Variants in SEPTIN10 observed in about 807,000 individuals in gnomAD.
SEPTIN10 encodes septin-10.
A neutral mutation model predicts 54.8 loss-of-function variants in SEPTIN10; 66 were observed. That is an observed-to-expected ratio of 1.21 (90% CI 0.99 to 1.48). SEPTIN10 has a LOEUF of 1.48. Among genes scored for constraint, SEPTIN10 ranks in the 40% most tolerant of loss-of-function variants. SEPTIN10 has a pLI of 0.00. For synonymous variants in SEPTIN10, 161 were observed against 181.0 expected, an observed-to-expected ratio of 0.89 and a Z score of 0.89; for missense variants, 620 against 545.6, an observed-to-expected ratio of 1.14 and a Z score of -1.36.
At chr2:109,594,708 C>G (rs987088316) in intron 1 of SEPTIN10, 9 of 152,248 alleles carry the variant, frequency 5.9e-5, no homozygotes, top group Non-Finnish European at 1.5e-5. Context: ...TCTGTGCGGG[C>G]GCGTGCACGC....
chr2:109,582,680 C>T (rs1221987172), intron 4 of SEPTIN10, among the ~76,000 whole-genome samples: 2 of 152,050 alleles, frequency 1.3e-5, no homozygotes, highest in Non-Finnish European at 2.9e-5. Flanking sequence ...AAAAACTATT[C>T]TAAAATTCAT....
At position 109,544,100 on chromosome 2, in the gene SEPTIN10, T is replaced by G. The variant is rs1680545641; in HGVS notation, c.*209A>C. On this transcript the variant is annotated 3_prime_UTR_variant, in exon 11 of 11. Transcript: ENST00000397712. Reference sequence around the variant, plus strand: ...GCTTCTGGATTTCAGATTTTTGAATTAGAGATGCTCAACTTGTAGTATCAT... The same window carrying G: ...GCTTCTGGATTTCAGATTTTTGAATGAGAGATGCTCAACTTGTAGTATCAT... 1 of 1,477,054 alleles carries G rather than the reference T, an allele frequency of 6.8e-7. No homozygotes were observed. Among genetic ancestry groups the G allele is most frequent in the Non-Finnish European group, 9.1e-7 (1 of 1,103,464 alleles). The allele number at this position is 1,477,054 out of a possible 1,614,324, so 91.5% of individuals were successfully genotyped here.
At chr2:109,574,817 G>T in intron 4 of SEPTIN10, 50 bp from the exon 5 acceptor site, 1 of 1,347,720 alleles carries the variant, frequency 7.4e-7, no homozygotes, top group Non-Finnish European at 1.0e-6. Flanking sequence ...GCTACCTTAA[G>T]ATATCTGTGC....
chr2:109,552,743 G>T, intron 9 of SEPTIN10: 3 of 200,380 alleles, frequency 1.5e-5, no homozygotes, highest in South Asian at 9.3e-5. Context: ...CTGGTTGAAT[G>T]AGGCACCTAA....
Position 109,593,084 on chromosome 2 carries a change from AC to A in SEPTIN10, c.65del (p.Cys22LeufsTer12). ...FQSHMATKTTCMSSQGSDDEQ... is the reference protein window; with the variant it reads ...FQSHMATKTTXMSSQGSDDEQ... ...CATCATCTGATCCTTGTGAAGACAT[AC>A]AAGTTGTTTTCGTTGCCATGTGAGA... is the stretch of plus-strand genomic sequence containing the variant. On this transcript the variant is annotated frameshift_variant, in exon 2 of 11. Coordinates refer to ENST00000397712, the MANE Select transcript of SEPTIN10 (RefSeq NM_144710.5). LOFTEE classifies it high-confidence loss of function. The A allele has an allele frequency of 1.4e-5, 22 of 1,601,632 alleles. No homozygotes were observed. Among genetic ancestry groups the A allele is most frequent in the Non-Finnish European group, 1.9e-5 (22 of 1,174,734 alleles).
In SEPTIN10 at chr2:109,543,983, T is replaced by C; in HGVS notation, c.*326A>G. The C allele has an allele frequency of 1.6e-6, 1 of 633,886 alleles. No individual in the cohort carries two copies. Among genetic ancestry groups the C allele is most frequent in the Middle Eastern group, 4.3e-4 (1 of 2,312 alleles). The allele number at this position is 633,886 out of a possible 1,614,324, so 39.3% of individuals were successfully genotyped here. The stretch of plus-strand genomic sequence containing the variant: ...AATTTTGTGCAAGAAACAAAATCTG[T>C]TTAAACTGAACCATCAGAAAGCAAA... On this transcript the variant is annotated 3_prime_UTR_variant, in exon 11 of 11. Transcript: ENST00000397712.
chr2:109,581,355 T>C (rs569607143), intron 4 of SEPTIN10, among the ~76,000 whole-genome samples: 29 of 151,892 alleles, frequency 1.9e-4, no homozygotes, highest in Admixed American at 3.3e-4. Flanking sequence ...GAGAATCACC[T>C]GAACCCAGGA....
In SEPTIN10 at chr2:109,613,921, C is replaced by G. The variant is rs1699881260; in HGVS notation, c.-94G>C. On this transcript the variant is annotated 5_prime_UTR_variant, in exon 1 of 11. Transcript: ENST00000397712. Reference sequence around the variant, plus strand: ...CGGCGGGAAGGCCGGAGGGCAGAAGCAACGGGCGGGGCGCGAGGCTAGGCT... The same window carrying G: ...CGGCGGGAAGGCCGGAGGGCAGAAGGAACGGGCGGGGCGCGAGGCTAGGCT... 41 of 1,218,580 alleles carry G rather than the reference C, an allele frequency of 3.4e-5. No individual in the cohort carries two copies. Among genetic ancestry groups the G allele is most frequent in the Non-Finnish European group, 4.0e-5 (39 of 978,728 alleles). 75.5% of individuals were successfully genotyped at this position (1,218,580 alleles called of 1,614,324 possible).
chr2:109,587,427 TAGAG>T (rs1316189645), intron 2 of SEPTIN10, among the ~76,000 whole-genome samples: 1 of 151,570 alleles, frequency 6.6e-6, no homozygotes, highest in Non-Finnish European at 1.5e-5. Context: ...GGAGAAAAGT[TAGAG>T]AAAGAGAGAA....
intron 6 of SEPTIN10, among the ~76,000 whole-genome samples, chr2:109,566,313 G>A (rs575886123): frequency 6.6e-5 from 10 of 151,768 alleles, no homozygotes; most frequent in Non-Finnish European, 1.2e-4. Flanking sequence ...TAGAGACGGC[G>A]TTTCACCATG....
At chr2:109,573,225 AG>A (rs1383686219) in intron 5 of SEPTIN10, among the ~76,000 whole-genome samples, 2 of 152,182 alleles carry the variant, frequency 1.3e-5, no homozygotes, top group African/African-American at 2.4e-5. Flanking sequence ...TGAGGCTCAG[AG>A]GGCTAAAGAA....
At chr2:109,555,570 T>C (rs1376868724) in intron 8 of SEPTIN10, among the ~76,000 whole-genome samples, 2 of 152,160 alleles carry the variant, frequency 1.3e-5, no homozygotes, top group Non-Finnish European at 2.9e-5. Flanking sequence ...TGCAGAATGT[T>C]AGCAAACTGA....
intron 9 of SEPTIN10, among the ~76,000 whole-genome samples, chr2:109,546,778 G>A (rs1256018330): frequency 1.3e-5 from 2 of 151,498 alleles, no homozygotes; most frequent in Non-Finnish European, 2.9e-5. Flanking sequence ...CTGAGATCTA[G>A]GCTTAAAAAA....
chr2:109,569,809 C>T (rs1243688306), intron 5 of SEPTIN10, among the ~76,000 whole-genome samples: 1 of 151,968 alleles, frequency 6.6e-6, no homozygotes, highest in African/African-American at 2.4e-5. Flanking sequence ...GGGAAAGTAA[C>T]AGATATTGCC....
chr2:109,613,358 G>A, intron 1 of SEPTIN10: 1 of 354,054 alleles, frequency 2.8e-6, no homozygotes, highest in African/African-American at 2.1e-5. Context: ...AAACGGGAGA[G>A]CTTTTGAAAA....
rs1687363857 is a variant in SEPTIN10 at position 109,567,738 on chromosome 2, T to C, written c.762+77A>G. The C allele has an allele frequency of 3.0e-6, 4 of 1,353,576 alleles. No homozygotes were observed. In the South Asian group the frequency reaches 5.4e-5, roughly 18 times the overall value. 83.8% of individuals were successfully genotyped at this position (1,353,576 alleles called of 1,614,324 possible). A position where few individuals can be genotyped will look rare whatever the true frequency, so the allele number is the denominator to read the frequency against. On this transcript the variant is annotated intron_variant, in intron 6 of 10. Transcript: ENST00000397712. ...TTTGGAAGACACAAGTGAAAGTGTATTAGCAGCAATATTACTCACAAATTA... is the reference window on the plus strand; with the variant it reads ...TTTGGAAGACACAAGTGAAAGTGTACTAGCAGCAATATTACTCACAAATTA...
intron 10 of SEPTIN10, 95 bp downstream of exon 10, chr2:109,545,955 A>G (rs1681105238): frequency 6.7e-7 from 1 of 1,482,790 alleles, no homozygotes; most frequent in East Asian, 2.3e-5. Context: ...AAGACAAAGC[A>G]TAAGGAAGCA....
intron 1 of SEPTIN10, 56 bp from the exon 2 acceptor site, chr2:109,593,175 C>A: frequency 8.7e-7 from 1 of 1,147,830 alleles, no homozygotes; most frequent in Non-Finnish European, 1.2e-6. Flanking sequence ...CCCCAAACCC[C>A]ATTATCTGAA....
In SEPTIN10 at chr2:109,543,808, A is replaced by C. The variant is rs1680493394; in HGVS notation, c.*501T>G. On this transcript the variant is annotated 3_prime_UTR_variant, in exon 11 of 11. Coordinates refer to ENST00000397712, the MANE Select transcript of SEPTIN10 (RefSeq NM_144710.5). ...TATATGAATATATAGGTACAAGCTG[A>C]GTATCCCTTATCCAAAATGCTAGGG... 8.6e-6 allele frequency: 2 copies of C among 232,216 alleles called. No individual in the cohort carries two copies. The highest frequency in any genetic ancestry group is 2.3e-4 in the East Asian group (2 of 8,824). 14.4% of individuals were successfully genotyped at this position (232,216 alleles called of 1,614,324 possible).
Sources: gnomAD v4.1 joint callset for allele counts (sites outside exome capture counted in the v4.1 genomes callset) on GRCh38, gnomAD v4.1.1 for gene constraint, MANE v1.5 for transcripts, NCBI Gene and HGNC (gene_info 2026-07-23, HGNC 2026-07-21) for gene names.